The following RASGRP1 variants were observed in gnomAD, a reference collection of about 807,000 sequenced individuals.
RASGRP1 encodes the protein RAS guanyl-releasing protein 1.
RASGRP1 carries 37 observed loss-of-function variants against 95.1 expected under a neutral mutation model. The observed-to-expected ratio is 0.39, with a 90% CI of 0.30 to 0.51. RASGRP1 has a LOEUF of 0.51. RASGRP1 is among the 20% of genes least tolerant of loss of function. RASGRP1 has a pLI of 0.80. For missense variants in RASGRP1, 711 were observed against 965.4 expected (o/e 0.74, Z 3.49); for synonymous variants, 325 against 353.4 (o/e 0.92, Z 0.90).
chr15:38,505,553 C>T (rs966277356), intron 10 of RASGRP1, among the ~76,000 whole-genome samples: 1 of 152,150 alleles, frequency 6.6e-6, no homozygotes, highest in African/African-American at 2.4e-5. Flanking sequence ...CTGACTGATT[C>T]CACCACACCT....
At chr15:38,531,657 G>C (rs1892443274) in intron 2 of RASGRP1, among the ~76,000 whole-genome samples, 1 of 152,164 alleles carries the variant, frequency 6.6e-6, no homozygotes, top group South Asian at 2.1e-4. Flanking sequence ...GTCTCTGTGG[G>C]AGTGAGTGCT....
At chr15:38,505,681 T>C (rs571559020) in intron 10 of RASGRP1, among the ~76,000 whole-genome samples, 159 bp downstream of exon 10, 19 of 152,338 alleles carry the variant, frequency 1.2e-4, no homozygotes, top group Non-Finnish European at 2.1e-4. Flanking sequence ...CTCAGACATA[T>C]GTTGAAAAGC....
At chr15:38,507,614 T>G (rs1891314127) in intron 9 of RASGRP1, 112 bp downstream of exon 9, 5 of 1,227,432 alleles carry the variant, frequency 4.1e-6, no homozygotes, top group Non-Finnish European at 1.1e-6. Flanking sequence ...AGTAATAGGA[T>G]CTGCTTCATA....
intron 2 of RASGRP1, among the ~76,000 whole-genome samples, chr15:38,545,473 C>T (rs1232493832): frequency 6.6e-6 from 1 of 151,734 alleles, no homozygotes; most frequent in Non-Finnish European, 1.5e-5. Context: ...AACCCTGTGG[C>T]CACAGTCAAT....
chr15:38,534,446 G>A (rs1019873770), intron 2 of RASGRP1: 1 of 151,430 alleles, frequency 6.6e-6, no homozygotes, highest in African/African-American at 2.5e-5. Flanking sequence ...ATGGTGTCCA[G>A]GAATTTATGG....
intron 8 of RASGRP1, among the ~76,000 whole-genome samples, chr15:38,510,733 G>T (rs780250547): frequency 3.3e-5 from 5 of 152,240 alleles, no homozygotes; most frequent in Non-Finnish European, 5.9e-5. Context: ...GCCGAGATGG[G>T]AGGATCGCTT....
intron 2 of RASGRP1, among the ~76,000 whole-genome samples, chr15:38,546,890 G>A (rs1330813829): frequency 6.6e-6 from 1 of 152,126 alleles, no homozygotes; most frequent in Non-Finnish European, 1.5e-5. Flanking sequence ...GAACATATAG[G>A]AAGCACTATT....
chr15:38,508,334 A>G (rs1891350501), intron 8 of RASGRP1, among the ~76,000 whole-genome samples: 1 of 152,210 alleles, frequency 6.6e-6, no homozygotes, highest in African/African-American at 2.4e-5. Context: ...GTACAAGAAT[A>G]TATAGTGAAC....
intron 2 of RASGRP1, among the ~76,000 whole-genome samples, chr15:38,527,357 A>G (rs1309535416): frequency 6.6e-6 from 1 of 152,188 alleles, no homozygotes; most frequent in Admixed American, 6.5e-5. Context: ...CTCCCCTGAC[A>G]GTGACTACAT....
At position 38,559,942 on chromosome 15, in the gene RASGRP1, G is replaced by T. The variant is rs772557493; in HGVS notation, c.99C>A (p.Ser33Arg). ...CCAAGCTGGGATGGGAGGGGAAGGGGCTGTTGGCTGGCTTTGCCTCTAGTC... is the reference window on the plus strand; with the variant it reads ...CCAAGCTGGGATGGGAGGGGAAGGGTCTGTTGGCTGGCTTTGCCTCTAGTC... ...KARLEAKPAN[S>R]PFPSHPSLAH... is the part of the protein sequence containing the mutation. Residue 33 changes from serine to arginine, a missense_variant, in exon 2 of 17, where the codon AGC becomes AGA. Around this residue, in one of 3 missense-constraint regions of RASGRP1, gnomAD observed 491 missense variants for 676.6 expected, o/e 0.73. Transcript: ENST00000310803. 1.2e-6 allele frequency: 2 copies of T among 1,613,586 alleles called. No individual in the cohort carries two copies. The highest frequency in any genetic ancestry group is 1.1e-5 in the South Asian group (1 of 91,018).
rs142859662 is a variant in RASGRP1 at position 38,505,528 on chromosome 15, C to T, written c.1323+312G>A. 1.7e-3 allele frequency among the ~76,000 whole-genome samples: 260 copies of T among 152,320 alleles called. 1 individual carries two copies. The highest frequency in any genetic ancestry group is 5.9e-3 in the African/African-American group (244 of 41,570). On this transcript the variant is annotated intron_variant, in intron 10 of 16. Transcript: ENST00000310803. ...TGGTGCACAATAGTATCTTCCTTCT[C>T]TACTTTGTAAACCACTGACTGATTC...
Position 38,502,383 on chromosome 15 carries a change from G to A in RASGRP1, c.1467C>T (p.Tyr489=), listed in dbSNP as rs1891068094. ...FKNYDHDQDG[Y]ISQEEFEKIA... ...TCTTTTCAAATTCTTCCTGAGAAAT[G>A]TATCCATCCTGGTCGTGATCATAGT... The change falls in exon 12 of 17, where the codon TAC becomes TAT. Residue 489 remains tyrosine, a synonymous_variant. Transcript: ENST00000310803. The A allele has an allele frequency of 1.9e-6, 3 of 1,606,346 alleles. No individual in the cohort carries two copies. The highest frequency in any genetic ancestry group is 2.2e-5 in the South Asian group (2 of 90,834).
Position 38,490,412 on chromosome 15 carries a change from A to T in RASGRP1, c.*142T>A. 1 of 810,514 alleles carries T rather than the reference A, an allele frequency of 1.2e-6. No homozygotes were observed. The highest frequency in any genetic ancestry group is 3.8e-5 in the South Asian group (1 of 26,472). 50.2% of individuals were successfully genotyped at this position (810,514 alleles called of 1,614,324 possible). ...CAGTGCTGCACATTAGGAATCTTTT[A>T]GGTAAATAAACAGTAACAGGCTTTT... On this transcript the variant is annotated 3_prime_UTR_variant, in exon 17 of 17. Transcript: ENST00000310803.
chr15:38,560,175 G>C (rs1893748793), intron 1 of RASGRP1, 170 bp from the exon 2 acceptor site: 1 of 646,406 alleles, frequency 1.5e-6, no homozygotes, highest in Admixed American at 2.5e-5. Context: ...GGCTGTTAAA[G>C]AGACATCTCC....
At chr15:38,531,781 G>A (rs1892450112) in intron 2 of RASGRP1, among the ~76,000 whole-genome samples, 1 of 151,712 alleles carries the variant, frequency 6.6e-6, no homozygotes, top group South Asian at 2.1e-4. Context: ...AGAACTCCGA[G>A]GTAACTCCTC....
rs2141206706 is a variant in RASGRP1, at chr15:38,564,789, C to G, written c.-161G>C. ...CCCGGCGAGCCCGACCGAGGTGCAC[C>G]GCAGGCACAAACTTTGTGCGAGCGC... is the stretch of plus-strand genomic sequence containing the variant. On this transcript the variant is annotated 5_prime_UTR_variant, in exon 1 of 17. Transcript: ENST00000310803. The G allele has an allele frequency of 2.1e-6, 1 of 471,270 alleles. No homozygotes were observed. The highest frequency in any genetic ancestry group is 5.3e-5 in the Admixed American group (1 of 18,770). 29.2% of individuals were successfully genotyped at this position (471,270 alleles called of 1,614,324 possible). A position where few individuals can be genotyped will look rare whatever the true frequency, so the allele number is the denominator to read the frequency against.
intron 6 of RASGRP1, among the ~76,000 whole-genome samples, chr15:38,514,479 C>T (rs1891680432): frequency 6.6e-6 from 1 of 152,236 alleles, no homozygotes; most frequent in Admixed American, 6.5e-5. Context: ...GTAACATCCT[C>T]ACTACCCCTA....
At chr15:38,522,119 T>C (rs1033058622) in intron 3 of RASGRP1, among the ~76,000 whole-genome samples, 7 of 152,174 alleles carry the variant, frequency 4.6e-5, no homozygotes, top group Non-Finnish European at 1.0e-4. Flanking sequence ...CTAAACTAAG[T>C]TCTAGATACA....
chr15:38,564,391 C>A (rs1433862519), intron 1 of RASGRP1, among the ~76,000 whole-genome samples: 1 of 152,128 alleles, frequency 6.6e-6, no homozygotes, highest in African/African-American at 2.4e-5. Context: ...ACCCCTCAGC[C>A]CCAGCTCCCT....
Sources: gnomAD v4.1 joint callset for allele counts (sites outside exome capture counted in the v4.1 genomes callset) on GRCh38, gnomAD v4.1.1 for gene constraint, gnomAD v4.1.1 regional missense constraint, MANE v1.5 for transcripts, NCBI Gene and HGNC (gene_info 2026-07-23, HGNC 2026-07-21) for gene names.